Variants in LIMA1 observed in about 807,000 individuals in gnomAD.
LIMA1 encodes the protein LIM domain and actin binding 1.
LIMA1 carries 52 observed loss-of-function variants against 62.6 expected under a neutral mutation model. That is an observed-to-expected ratio of 0.83 (90% CI 0.67 to 1.05). The LOEUF is 1.05. LIMA1 is among the 50% of genes least tolerant of loss of function. LIMA1 has a pLI of 0.00. For synonymous variants in LIMA1, 302 were observed against 317.8 expected, an observed-to-expected ratio of 0.95 and a Z score of 0.53; for missense variants, 780 against 902.2, an observed-to-expected ratio of 0.86 and a Z score of 1.74.
At chr12:50,278,844 T>C (rs1030352998) in intron 1 of LIMA1, among the ~76,000 whole-genome samples, 4 of 152,210 alleles carry the variant, frequency 2.6e-5, no homozygotes, top group Admixed American at 6.5e-5. Context: ...CAGTATGAGT[T>C]CAATTACCTT....
At chr12:50,221,689 C>T (rs1941444259) in intron 4 of LIMA1, among the ~76,000 whole-genome samples, 4 of 152,148 alleles carry the variant, frequency 2.6e-5, no homozygotes, top group African/African-American at 7.2e-5. Flanking sequence ...GTAATTCCAC[C>T]CCCAAAGCTA....
chr12:50,177,342 C>T lies in LIMA1; in HGVS notation c.2002G>A (p.Glu668Lys). 1 of 1,614,210 alleles carries T rather than the reference C, an allele frequency of 6.2e-7. No homozygotes were observed. The highest frequency in any genetic ancestry group is 1.3e-5 in the African/African-American group (1 of 75,046). The change falls in exon 11 of 11, where the codon GAA becomes AAA. Residue 668 changes from glutamate (E) to lysine (K), a missense_variant. Physicochemically the swap from Glu to Lys is moderately conservative, Grantham distance 56. Coordinates refer to ENST00000341247, the MANE Select transcript of LIMA1 (RefSeq NM_016357.5). ...TTCTCCATCTCCAAACTATGACCTT[C>T]CTTACTTCTCTTCCCTGTCTCTCCT... is the stretch of plus-strand genomic sequence containing the variant. ...SKGETGKRSK[E>K]GHSLEMENEN...
At chr12:50,201,508 C>A in intron 6 of LIMA1, 1 of 984,230 alleles carries the variant, frequency 1.0e-6, no homozygotes, top group South Asian at 4.7e-5. Flanking sequence ...AAAGAACATG[C>A]ATTTTATTGT....
intron 3 of LIMA1, among the ~76,000 whole-genome samples, chr12:50,226,936 C>T (rs577075732): frequency 4.1e-5 from 6 of 146,304 alleles, no homozygotes; most frequent in Admixed American, 3.4e-4. Context: ...ACAGGTTTCT[C>T]CTCCTCTGTC....
intron 1 of LIMA1, among the ~76,000 whole-genome samples, chr12:50,261,734 C>G (rs1942075939): frequency 6.6e-6 from 1 of 152,128 alleles, no homozygotes; most frequent in South Asian, 2.1e-4. Context: ...GTGGTGTGAT[C>G]ATAATTATTG....
chr12:50,239,400 A>T (rs1941741055), intron 2 of LIMA1, among the ~76,000 whole-genome samples: 1 of 152,206 alleles, frequency 6.6e-6, no homozygotes, highest in Non-Finnish European at 1.5e-5. Flanking sequence ...GCACTTTGGG[A>T]GGCTGAGTCG....
chr12:50,222,231 ACCC>A lies in LIMA1; in HGVS notation c.417_419del (p.Gln139_Gly140delinsHis). 6.2e-7 allele frequency: 1 copy of A among 1,614,030 alleles called. No individual in the cohort carries two copies. The highest frequency in any genetic ancestry group is 8.5e-7 in the Non-Finnish European group (1 of 1,179,990). ...CACCGTCCTTGATGTGGGGATATCGACCCTGAACGAGGGCTTCAGGAGGTGACC... is the reference window on the plus strand; with the variant it reads ...CACCGTCCTTGATGTGGGGATATCGATGAACGAGGGCTTCAGGAGGTGACC... On this transcript the variant is annotated inframe_deletion, in exon 4 of 11. Coordinates refer to ENST00000341247, the MANE Select transcript of LIMA1 (RefSeq NM_016357.5).
rs1047345968 is a variant in LIMA1 at position 50,178,009 on chromosome 12, G to C, written c.1335C>G (p.Leu445=). The part of the protein sequence containing the change: ...RIYCKPHFNQ[L]FKSKGNYDEG... ...CATCATAGTTGCCCTTAGATTTAAA[G>C]AGTTGATTGAAGTGAGGCTTACAAT... Residue 445 remains leucine (L), a synonymous_variant, in exon 11 of 11, where the codon CTC becomes CTG. Coordinates refer to ENST00000341247, the MANE Select transcript of LIMA1 (RefSeq NM_016357.5). The C allele has an allele frequency of 2.5e-6, 4 of 1,590,768 alleles. No individual in the cohort carries two copies. Among genetic ancestry groups the C allele is most frequent in the Non-Finnish European group, 3.4e-6 (4 of 1,171,888 alleles).
Position 50,177,510 on chromosome 12 carries a change from T to TAGGTGGGGACACAGTTTTTGGGC in LIMA1, c.1811_1833dup (p.Ile612AlafsTer77). 1 of 1,612,816 alleles carries TAGGTGGGGACACAGTTTTTGGGC rather than the reference T, an allele frequency of 6.2e-7. No individual in the cohort carries two copies. On this transcript the variant is annotated frameshift_variant, in exon 11 of 11. Coordinates refer to ENST00000341247, the MANE Select transcript of LIMA1 (RefSeq NM_016357.5). LOFTEE classifies it low-confidence loss of function (END_TRUNC). ...TCTGACATGCTCCAGCCTTTCCTGA[T>TAGGTGGGGACACAGTTTTTGGGC]AGGTGGGGACACAGTTTTTGGGCTC...
At chr12:50,226,106 G>C (rs1941524152) in intron 3 of LIMA1, among the ~76,000 whole-genome samples, 1 of 151,976 alleles carries the variant, frequency 6.6e-6, no homozygotes, top group Admixed American at 6.6e-5. Flanking sequence ...GAGTGCAGTG[G>C]CATGATCACG....
intron 2 of LIMA1, among the ~76,000 whole-genome samples, chr12:50,237,124 TATAG>T (rs1410083739): frequency 6.6e-6 from 1 of 152,232 alleles, no homozygotes; most frequent in Non-Finnish European, 1.5e-5. Flanking sequence ...GAATTTGTCC[TATAG>T]ATACACTAAA....
intron 4 of LIMA1, among the ~76,000 whole-genome samples, chr12:50,207,521 C>T (rs945586779): frequency 1.1e-4 from 17 of 152,042 alleles, no homozygotes; most frequent in African/African-American, 3.6e-4. Flanking sequence ...CACTTAGCAC[C>T]CTTTTGAATT....
chr12:50,226,119 T>G, intron 3 of LIMA1, among the ~76,000 whole-genome samples: 1 of 152,102 alleles, frequency 6.6e-6, no homozygotes, highest in Non-Finnish European at 1.5e-5. Context: ...TGATCACGGC[T>G]CACTGCAGCC....
intron 1 of LIMA1, among the ~76,000 whole-genome samples, chr12:50,255,501 C>T (rs11169338): frequency 6.9e-6 from 1 of 143,968 alleles, no homozygotes; most frequent in African/African-American, 2.6e-5. Context: ...TGCAGTGAGC[C>T]GTGATCACAC....
intron 3 of LIMA1, among the ~76,000 whole-genome samples, chr12:50,229,307 C>T (rs1027245205): frequency 9.9e-5 from 15 of 152,092 alleles, no homozygotes; most frequent in Admixed American, 5.2e-4. Context: ...CGGCCTCCTG[C>T]GATCCTCCCG....
At chr12:50,196,138 G>C (rs1468958653) in intron 7 of LIMA1, 2 of 410,980 alleles carry the variant, frequency 4.9e-6, no homozygotes, top group South Asian at 5.0e-5. Context: ...ACTGCCAAAA[G>C]TGTGCATCAT....
intron 1 of LIMA1, among the ~76,000 whole-genome samples, chr12:50,270,778 G>A (rs1942200299): frequency 1.3e-5 from 2 of 151,872 alleles, no homozygotes; most frequent in South Asian, 4.1e-4. Flanking sequence ...ATCTTATTTA[G>A]ACAGGTAAAA....
intron 10 of LIMA1, among the ~76,000 whole-genome samples, chr12:50,179,350 C>T (rs1940436184): frequency 6.6e-6 from 1 of 152,030 alleles, no homozygotes; most frequent in Non-Finnish European, 1.5e-5. Flanking sequence ...CCATGTTGGC[C>T]AGGATAGTCT....
intron 10 of LIMA1, 74 bp downstream of exon 10, chr12:50,181,830 C>A (rs1375317480): frequency 2.7e-6 from 4 of 1,507,626 alleles, no homozygotes; most frequent in Non-Finnish European, 3.7e-6. Flanking sequence ...GCTTTTAGCA[C>A]CAGTGCTCTA....
Sources: allele counts gnomAD v4.1 joint callset (sites outside exome capture counted in the v4.1 genomes callset), GRCh38; gene constraint gnomAD v4.1.1; transcripts MANE v1.5; gene names NCBI Gene and HGNC (gene_info 2026-07-23, HGNC 2026-07-21).